Variants in PCDHGA1 observed in about 807,000 individuals in gnomAD.
PCDHGA1 encodes the protein protocadherin gamma subfamily A, 1.
PCDHGA1 carries 32 observed loss-of-function variants against 58.0 expected under a neutral mutation model. The ratio of observed to expected loss-of-function variants is 0.55; its 90% CI spans 0.42 to 0.74. The LOEUF (loss-of-function observed/expected upper bound fraction) is 0.74, where lower values mean the gene tolerates loss of function less well. PCDHGA1 is among the 30% of genes least tolerant of loss of function. The probability of loss-of-function intolerance (pLI) is 0.00; values close to 1 mark genes in which losing one functional copy is unlikely to be tolerated. For missense variants in PCDHGA1, 1,205 were observed against 1,182.3 expected, an observed-to-expected ratio of 1.02 and a Z score of -0.28; for synonymous variants, 498 against 501.1, an observed-to-expected ratio of 0.99 and a Z score of 0.08.
At chr5:141,414,230 C>T in intron 1 of PCDHGA1, 5 of 1,613,308 alleles carry the variant, frequency 3.1e-6, no homozygotes, top group Non-Finnish European at 4.2e-6. Flanking sequence ...CCAGAGCTGA[C>T]CATCACGTCT....
chr5:141,399,999 A>G (rs1589395014), intron 1 of PCDHGA1: 1 of 1,612,302 alleles, frequency 6.2e-7, no homozygotes. Flanking sequence ...AGGTGCGCAC[A>G]GCGCGTGCCT....
intron 1 of PCDHGA1, chr5:141,362,169 C>T (rs1762357316): frequency 6.2e-7 from 1 of 1,614,046 alleles, no homozygotes; most frequent in Non-Finnish European, 8.5e-7. Flanking sequence ...TCAGCGACCG[C>T]CGGGAGCCCT....
chr5:141,362,232 C>G, intron 1 of PCDHGA1: 4 of 1,614,034 alleles, frequency 2.5e-6, no homozygotes, highest in Non-Finnish European at 3.4e-6. Flanking sequence ...TGGCCTTGAT[C>G]TCAGTGCTCT....
At chr5:141,465,905 G>C (rs938438286) in intron 1 of PCDHGA1, among the ~76,000 whole-genome samples, 8 of 151,958 alleles carry the variant, frequency 5.3e-5, no homozygotes, top group Non-Finnish European at 8.8e-5. Context: ...GGCAAATCAC[G>C]AGGTCAGGAT....
At chr5:141,346,025 G>A in intron 1 of PCDHGA1, 6 of 1,613,470 alleles carry the variant, frequency 3.7e-6, no homozygotes, top group Non-Finnish European at 5.1e-6. Context: ...CCGTGGCCGT[G>A]GCCGACAGGA....
intron 1 of PCDHGA1, chr5:141,410,849 C>CTTTTGTTTTTTTTTTTTTTTTTT (rs2095432564): frequency 7.7e-6 from 1 of 129,786 alleles, no homozygotes; most frequent in Non-Finnish European, 1.3e-5. Flanking sequence ...TTGTCTTTGT[C>CTTTTGTTTTTTTTTTTTTTTTTT]TTTTTTTTTT....
At chr5:141,403,721 C>G (rs748888364) in intron 1 of PCDHGA1, 2 of 1,613,872 alleles carry the variant, frequency 1.2e-6, no homozygotes, top group East Asian at 2.2e-5. Flanking sequence ...GAACGTGCCC[C>G]CAGGCACCTG....
At chr5:141,463,773 C>A (rs2099069188) in intron 1 of PCDHGA1, among the ~76,000 whole-genome samples, 1 of 152,088 alleles carries the variant, frequency 6.6e-6, no homozygotes, top group Non-Finnish European at 1.5e-5. Context: ...GGGTTAGAAT[C>A]CTGCACTGTC....
chr5:141,478,612 G>A (rs1311028260), intron 1 of PCDHGA1: 2 of 1,558,218 alleles, frequency 1.3e-6, no homozygotes, highest in African/African-American at 1.4e-5. Flanking sequence ...TATTGAGGAA[G>A]GAATGGAGCT....
chr5:141,471,206 T>C (rs113465424), intron 1 of PCDHGA1: 16,891 of 151,686 alleles, frequency 0.11, 970 homozygotes, highest in South Asian at 0.15. Context: ...CCCACCCCCA[T>C]GCCTGGCAAT....
chr5:141,454,796 ATTTTTTTTTT>A (rs61612330), intron 1 of PCDHGA1, among the ~76,000 whole-genome samples: 11 of 77,458 alleles, frequency 1.4e-4, no homozygotes, highest in East Asian at 8.0e-4. Flanking sequence ...CATGGTTCTA[ATTTTTTTTTT>A]TTTTTTTTTT....
chr5:141,393,071 C>T (rs927273885), intron 1 of PCDHGA1: 3 of 1,613,680 alleles, frequency 1.9e-6, no homozygotes, highest in Non-Finnish European at 2.5e-6. Context: ...GCTTGATCAC[C>T]GCGGGCAGGA....
At chr5:141,508,737 C>G (rs919094477) in intron 3 of PCDHGA1, among the ~76,000 whole-genome samples, 2 of 152,010 alleles carry the variant, frequency 1.3e-5, no homozygotes, top group Non-Finnish European at 2.9e-5. Flanking sequence ...CTACACCCCC[C>G]ACCCCGCTCT....
intron 1 of PCDHGA1, chr5:141,361,678 T>A (rs192424877): frequency 1.1e-5 from 17 of 1,613,474 alleles, no homozygotes; most frequent in Non-Finnish European, 1.4e-5. Flanking sequence ...CGGGGTGGTG[T>A]TCGCGCAGCG....
intron 1 of PCDHGA1, among the ~76,000 whole-genome samples, chr5:141,453,517 C>A (rs1001603927): frequency 1.3e-5 from 2 of 152,062 alleles, no homozygotes; most frequent in African/African-American, 4.8e-5. Flanking sequence ...TCATTCCTCC[C>A]CTATACCTTC....
chr5:141,468,230 TAGG>T (rs1451844939), intron 1 of PCDHGA1, among the ~76,000 whole-genome samples: 9 of 141,220 alleles, frequency 6.4e-5, no homozygotes, highest in South Asian at 2.2e-4. Context: ...GAGGATGAGG[TAGG>T]AGAATTGCCT....
At chr5:141,370,756 T>G in intron 1 of PCDHGA1, 1 of 1,613,974 alleles carries the variant, frequency 6.2e-7, no homozygotes, top group Non-Finnish European at 8.5e-7. Flanking sequence ...CATGTAACTG[T>G]GCTGATCCAG....
At chr5:141,417,949 TGA>T (rs2096196504) in intron 1 of PCDHGA1, 1 of 1,613,400 alleles carries the variant, frequency 6.2e-7, no homozygotes, top group Non-Finnish European at 8.5e-7. Context: ...CCACGCTGTG[TGA>T]GCCGATCCGC....
intron 1 of PCDHGA1, chr5:141,478,480 G>T: frequency 2.5e-6 from 4 of 1,613,564 alleles, no homozygotes; most frequent in Non-Finnish European, 3.4e-6. Flanking sequence ...GCCAGAACAC[G>T]CTGCGGAGCT....
Sources: allele counts gnomAD v4.1 joint callset (sites outside exome capture counted in the v4.1 genomes callset), GRCh38; gene constraint gnomAD v4.1.1; transcripts MANE v1.5; gene names NCBI Gene and HGNC (gene_info 2026-07-23, HGNC 2026-07-21).